The following GABRG1 variants were observed in gnomAD, a reference collection of about 807,000 sequenced individuals.
The protein encoded by GABRG1 is gamma-aminobutyric acid type A receptor subunit gamma1, also known as gamma-aminobutyric acid receptor subunit gamma-1.
GABRG1 carries 49 observed loss-of-function variants against 49.8 expected under a neutral mutation model. That is an observed-to-expected ratio of 0.98 (90% CI 0.78 to 1.25). The LOEUF is 1.25. Ranked by LOEUF, GABRG1 falls within the 50% of genes most tolerant of loss-of-function variation. The pLI, the probability that GABRG1 is intolerant of heterozygous loss-of-function variation, is 0.00. For synonymous variants in GABRG1, 232 were observed against 185.1 expected (o/e 1.25, Z -2.06); for missense variants, 552 against 552.3 (o/e 1.00, Z 0.01).
At chr4:46,042,118 A>T (rs1717810838) in intron 8 of GABRG1, among the ~76,000 whole-genome samples, 1 of 151,962 alleles carries the variant, frequency 6.6e-6, no homozygotes, top group Non-Finnish European at 1.5e-5. Flanking sequence ...TGATTATTAA[A>T]TGGGATGATG....
chr4:46,073,606 G>A (rs1009597768), intron 3 of GABRG1, among the ~76,000 whole-genome samples: 1 of 151,952 alleles, frequency 6.6e-6, no homozygotes, highest in Non-Finnish European at 1.5e-5. Context: ...TCCTAAGTAT[G>A]AAACATAGTA....
intron 2 of GABRG1, among the ~76,000 whole-genome samples, chr4:46,085,681 G>T (rs7655620): frequency 0.059 from 8,949 of 150,810 alleles, 456 homozygotes; most frequent in African/African-American, 0.13. Flanking sequence ...ATATAATTAA[G>T]AAAAAAAACC....
In GABRG1 at chr4:46,084,029, T is replaced by C. The variant is rs1356273347; in HGVS notation, c.278A>G (p.Asp93Gly). 6 of 1,586,176 alleles carry C rather than the reference T, an allele frequency of 3.8e-6. No individual in the cohort carries two copies. Among genetic ancestry groups the C allele is most frequent in the Non-Finnish European group, 8.6e-7 (1 of 1,160,316 alleles). ...TGGTCCAATGCTGTTTACATAAACA[T>C]CAGTTTCAATTACTGTGGGCCTCAC... ...IGVRPTVIET[D>G]VYVNSIGPVD... is the part of the protein sequence containing the mutation. Residue 93 changes from aspartate (D) to glycine (G), a missense_variant, in exon 3 of 9, where the codon GAT becomes GGT. Asp to Gly is a moderately conservative substitution (Grantham distance 94). Transcript: ENST00000295452.
chr4:46,099,799 G>T (rs1720314921), intron 1 of GABRG1, among the ~76,000 whole-genome samples: 1 of 151,610 alleles, frequency 6.6e-6, no homozygotes, highest in Admixed American at 6.6e-5. Flanking sequence ...AAAACCCATG[G>T]TCCTTCTACT....
rs1666965787 is a variant in GABRG1, at chr4:46,123,965, C to T, written c.-52G>A. The T allele has an allele frequency of 7.3e-7, 1 of 1,375,456 alleles. No individual in the cohort carries two copies. The highest frequency in any genetic ancestry group is 1.0e-6 in the Non-Finnish European group (1 of 967,976). The allele number at this position is 1,375,456 out of a possible 1,614,324, so 85.2% of individuals were successfully genotyped here. ...ACTAGCTCAATTCTCCCAGCCAGGA[C>T]TTTTCCTCCCACCTCAGCAGCAGCT... On this transcript the variant is annotated 5_prime_UTR_variant, in exon 1 of 9. Transcript: ENST00000295452.
In GABRG1 at chr4:46,056,150, T is replaced by TAAAAAAAAAAAAAAAA. The variant is rs1491407033; in HGVS notation, c.916+2066_916+2067insTTTTTTTTTTTTTTTT. Among the ~76,000 whole-genome samples, 6 of 46,018 alleles carry TAAAAAAAAAAAAAAAA rather than the reference T, an allele frequency of 1.3e-4. 2 individuals are homozygous for TAAAAAAAAAAAAAAAA. Among genetic ancestry groups the TAAAAAAAAAAAAAAAA allele is most frequent in the Non-Finnish European group, 2.1e-4 (4 of 19,300 alleles). The allele number at this position is 46,018 out of a possible 152,430, so 30.2% of individuals were successfully genotyped here. On this transcript the variant is annotated intron_variant, in intron 7 of 8. Coordinates refer to ENST00000295452, the MANE Select transcript of GABRG1 (RefSeq NM_173536.4). ...AAAAAAAAAAAAATAAATAAATAAATTAAAAAAAAAAAAAAAAAAAAAAAA... is the reference window on the plus strand; with the variant it reads ...AAAAAAAAAAAAATAAATAAATAAATAAAAAAAAAAAAAAAATAAAAAAAAAAAAAAAAAAAAAAAA...
At position 46,067,026 on chromosome 4, in the gene GABRG1, G is replaced by A. The variant is rs940617462; in HGVS notation, c.322-1442C>T. Among the ~76,000 whole-genome samples the A allele has an allele frequency of 2.6e-5, 4 of 151,484 alleles. No homozygotes were observed. The East Asian group carries it at 5.8e-4, about 22-fold the overall frequency. On this transcript the variant is annotated intron_variant, in intron 3 of 8. Coordinates refer to ENST00000295452, the MANE Select transcript of GABRG1 (RefSeq NM_173536.4). ...AGATTGATTACTTGCACTTGATGTC[G>A]TATTAGCAATTGGCCAATTTTCCTG...
chr4:46,064,415 A>T, intron 5 of GABRG1, 26 bp downstream of exon 5: 1 of 1,250,040 alleles, frequency 8.0e-7, no homozygotes, highest in East Asian at 2.6e-5. Context: ...AAATTCTATG[A>T]AATTATCAAG....
At chr4:46,110,753 T>C (rs1720687773) in intron 1 of GABRG1, among the ~76,000 whole-genome samples, 2 of 151,004 alleles carry the variant, frequency 1.3e-5, no homozygotes, top group Admixed American at 6.6e-5. Context: ...AAAAAACATG[T>C]AATCATCTCA....
chr4:46,050,373 G>T (rs1284941132), intron 8 of GABRG1, among the ~76,000 whole-genome samples: 1 of 151,676 alleles, frequency 6.6e-6, no homozygotes, highest in Non-Finnish European at 1.5e-5. Context: ...TAAAAGTATA[G>T]CAGAGTTTTA....
At chr4:46,051,074 C>T (rs543319097) in intron 8 of GABRG1, among the ~76,000 whole-genome samples, 1 of 151,924 alleles carries the variant, frequency 6.6e-6, no homozygotes, top group East Asian at 1.9e-4. Flanking sequence ...AAAGAGGAAT[C>T]TTCATCACTA....
intron 5 of GABRG1, among the ~76,000 whole-genome samples, chr4:46,063,235 A>C (rs1718777990): frequency 6.6e-6 from 1 of 152,086 alleles, no homozygotes. Flanking sequence ...AAAAGAACAA[A>C]GCTGGAGGCA....
intron 1 of GABRG1, among the ~76,000 whole-genome samples, chr4:46,098,998 A>T (rs942524789): frequency 2.1e-4 from 32 of 151,874 alleles, no homozygotes; most frequent in African/African-American, 7.5e-4. Flanking sequence ...AGATTTTAAC[A>T]TCATAAATTA....
intron 7 of GABRG1, among the ~76,000 whole-genome samples, chr4:46,056,151 T>A (rs202112561): frequency 0.61 from 5,553 of 9,096 alleles, 1,793 homozygotes; most frequent in Middle Eastern, 0.75. Flanking sequence ...ATAAATAAAT[T>A]AAAAAAAAAA....
At chr4:46,061,457 T>C (rs970655213) in intron 5 of GABRG1, among the ~76,000 whole-genome samples, 1 of 152,092 alleles carries the variant, frequency 6.6e-6, no homozygotes, top group South Asian at 2.1e-4. Flanking sequence ...GTGAAAACAA[T>C]AAATTTCAAA....
chr4:46,097,918 A>G (rs1720235314), intron 1 of GABRG1, among the ~76,000 whole-genome samples: 1 of 151,742 alleles, frequency 6.6e-6, no homozygotes, highest in Admixed American at 6.6e-5. Flanking sequence ...TTTTTCCAAG[A>G]ACTTTGTCAA....
Position 46,065,532 on chromosome 4 carries a change from T to G in GABRG1, c.374A>C (p.Lys125Thr). The G allele has an allele frequency of 6.2e-7, 1 of 1,608,360 alleles. No individual in the cohort carries two copies. The highest frequency in any genetic ancestry group is 8.5e-7 in the Non-Finnish European group (1 of 1,175,174). Residue 125 changes from lysine to threonine, a missense_variant, in exon 4 of 9, where the codon AAA (lysine) becomes ACA (threonine). Coordinates refer to ENST00000295452, the MANE Select transcript of GABRG1 (RefSeq NM_173536.4). ...FAQTWFDSRL[K>T]FNSTMKVLML... ...AAGCACTTTCATGGTACTATTGAAT[T>G]TTAAACGACTGTCAAACCAGGTTTG... is the stretch of plus-strand genomic sequence containing the variant.
chr4:46,095,978 T>A (rs1720152288), intron 2 of GABRG1, among the ~76,000 whole-genome samples: 1 of 151,736 alleles, frequency 6.6e-6, no homozygotes, highest in African/African-American at 2.4e-5. Context: ...TCCTTCCCAC[T>A]CCCCACCCAG....
At chr4:46,118,550 A>G (rs1721003507) in intron 1 of GABRG1, among the ~76,000 whole-genome samples, 1 of 151,078 alleles carries the variant, frequency 6.6e-6, no homozygotes, top group Non-Finnish European at 1.5e-5. Context: ...CATCTAGCAT[A>G]TAATATATGT....
Sources: allele counts gnomAD v4.1 joint callset (sites outside exome capture counted in the v4.1 genomes callset), GRCh38; gene constraint gnomAD v4.1.1; transcripts MANE v1.5; gene names NCBI Gene and HGNC (gene_info 2026-07-23, HGNC 2026-07-21).